The following EPC2 variants were observed in gnomAD, a reference collection of about 807,000 sequenced individuals.
The protein encoded by EPC2 is enhancer of polycomb homolog 2.
In EPC2, 14 loss-of-function variants were observed where a neutral mutation model predicts 92.1. The observed-to-expected ratio is 0.15, with a 90% CI of 0.10 to 0.24. The LOEUF (loss-of-function observed/expected upper bound fraction) is 0.24. Among genes scored for constraint, EPC2 ranks in the 10% least tolerant of loss-of-function variants. The pLI, the probability that EPC2 is intolerant of heterozygous loss-of-function variation, is 1.00. For synonymous variants in EPC2, 340 were observed against 334.7 expected (o/e 1.02, Z -0.17); for missense variants, 755 against 971.5 (o/e 0.78, Z 2.96).
intron 10 of EPC2, among the ~76,000 whole-genome samples, chr2:148,772,557 G>A (rs1227025891): frequency 6.6e-6 from 1 of 152,056 alleles, no homozygotes; most frequent in Non-Finnish European, 1.5e-5. Context: ...AACTTGACTC[G>A]TACAGTGATT....
chr2:148,658,813 A>C (rs1680871694), intron 1 of EPC2, among the ~76,000 whole-genome samples: 1 of 151,696 alleles, frequency 6.6e-6, no homozygotes, highest in South Asian at 2.1e-4. Flanking sequence ...AATGATATTA[A>C]ACTATATATG....
At chr2:148,744,290 A>G (rs1164276642) in intron 3 of EPC2, among the ~76,000 whole-genome samples, 1 of 152,146 alleles carries the variant, frequency 6.6e-6, no homozygotes. Flanking sequence ...AGTGTAAGTC[A>G]GGAGCCTAAA....
intron 2 of EPC2, among the ~76,000 whole-genome samples, chr2:148,742,730 A>G (rs1446417073): frequency 1.3e-5 from 2 of 151,884 alleles, no homozygotes; most frequent in African/African-American, 4.8e-5. Context: ...TGCAGTGAGC[A>G]AGATCGTGCC....
chr2:148,664,709 T>C (rs1681025046), intron 1 of EPC2, among the ~76,000 whole-genome samples: 1 of 152,214 alleles, frequency 6.6e-6, no homozygotes, highest in African/African-American at 2.4e-5. Flanking sequence ...TTGCATTCTC[T>C]AGAATTTTAT....
chr2:148,668,967 C>T (rs948252045), intron 1 of EPC2, among the ~76,000 whole-genome samples: 1 of 151,892 alleles, frequency 6.6e-6, no homozygotes, highest in Non-Finnish European at 1.5e-5. Flanking sequence ...ATGCTGAAAC[C>T]TTTTTCTATT....
intron 2 of EPC2, among the ~76,000 whole-genome samples, chr2:148,735,017 C>T (rs968646552): frequency 6.6e-6 from 1 of 151,690 alleles, no homozygotes; most frequent in Non-Finnish European, 1.5e-5. Flanking sequence ...AACATAGTTT[C>T]CGTTTCATAA....
At chr2:148,763,456 G>A (rs1399477485) in intron 6 of EPC2, among the ~76,000 whole-genome samples, 2 of 152,128 alleles carry the variant, frequency 1.3e-5, no homozygotes, top group African/African-American at 4.8e-5. Context: ...TAATTTTAAG[G>A]AGCATAGATT....
At chr2:148,749,691 A>G (rs891266016) in intron 3 of EPC2, among the ~76,000 whole-genome samples, 4 of 152,040 alleles carry the variant, frequency 2.6e-5, no homozygotes, top group Non-Finnish European at 4.4e-5. Context: ...GTTCTTTACT[A>G]TGATGTTAAA....
chr2:148,692,512 T>G (rs1001456183), intron 2 of EPC2: 1 of 152,334 alleles, frequency 6.6e-6, no homozygotes, highest in South Asian at 2.1e-4. Context: ...TTCCACAGAT[T>G]TCTTTTCTCT....
At chr2:148,738,419 A>C (rs1484717561) in intron 2 of EPC2, among the ~76,000 whole-genome samples, 2 of 152,248 alleles carry the variant, frequency 1.3e-5, no homozygotes, top group Admixed American at 1.3e-4. Context: ...ATGGGTTTAC[A>C]TAAAGAGTTC....
intron 1 of EPC2, among the ~76,000 whole-genome samples, chr2:148,674,421 A>G (rs982525629): frequency 2.0e-5 from 3 of 152,180 alleles, no homozygotes; most frequent in Non-Finnish European, 4.4e-5. Flanking sequence ...AGAATATTGG[A>G]TGCATTTTCC....
At chr2:148,690,807 CG>C (rs1558810708) in intron 2 of EPC2, among the ~76,000 whole-genome samples, 1 of 152,022 alleles carries the variant, frequency 6.6e-6, no homozygotes, top group African/African-American at 2.4e-5. Context: ...GGATTACAGG[CG>C]TGTGCCACCA....
At chr2:148,697,064 C>T (rs914515867) in intron 2 of EPC2, among the ~76,000 whole-genome samples, 6 of 152,134 alleles carry the variant, frequency 3.9e-5, no homozygotes, top group Admixed American at 3.3e-4. Context: ...CTCAAAGGAG[C>T]CTTCTGGACA....
chr2:148,653,681 A>G (rs368507143), intron 1 of EPC2, among the ~76,000 whole-genome samples: 1 of 148,358 alleles, frequency 6.7e-6, no homozygotes, highest in Non-Finnish European at 1.5e-5. Flanking sequence ...CTTAACTCCT[A>G]TCTTTGCTTC....
In EPC2 at chr2:148,690,353, A is replaced by G; in HGVS notation, c.293A>G (p.Lys98Arg). Residue 98 changes from lysine (K) to arginine (R), a missense_variant, in exon 2 of 14, where the codon AAA becomes AGA. Lys to Arg is a conservative substitution (Grantham distance 26). This residue lies in a region of EPC2 where 509 missense variants were observed against 607.7 expected (regional missense o/e 0.84). Transcript: ENST00000258484. ...TACAAAGGAGAGTTTAAACAGCCAAAACAGTTCATTCATATTCAGCGTAAG... is the reference window on the plus strand; with the variant it reads ...TACAAAGGAGAGTTTAAACAGCCAAGACAGTTCATTCATATTCAGCGTAAG... ...RLYKGEFKQP[K>R]QFIHIQPFNL... is the part of the protein sequence containing the mutation. The G allele has an allele frequency of 6.2e-7, 1 of 1,600,382 alleles. No individual in the cohort carries two copies. The highest frequency in any genetic ancestry group is 1.1e-5 in the South Asian group (1 of 87,698).
intron 2 of EPC2, among the ~76,000 whole-genome samples, chr2:148,710,931 T>A (rs1367488726): frequency 6.6e-6 from 1 of 152,158 alleles, no homozygotes; most frequent in East Asian, 1.9e-4. Context: ...TATGCACGCA[T>A]ACACACACAC....
intron 1 of EPC2, among the ~76,000 whole-genome samples, chr2:148,647,646 T>TA (rs1234630083): frequency 1.3e-5 from 1 of 75,884 alleles, no homozygotes; most frequent in African/African-American, 4.3e-5. Flanking sequence ...TTTTTTTTTT[T>TA]AATTTATTAC....
chr2:148,661,772 A>C (rs75577818), intron 1 of EPC2, among the ~76,000 whole-genome samples: 3 of 152,230 alleles, frequency 2.0e-5, no homozygotes, highest in Admixed American at 1.3e-4. Flanking sequence ...AATATTCTCA[A>C]ATTTTTTTTG....
chr2:148,680,374 A>G (rs760865495), intron 1 of EPC2, among the ~76,000 whole-genome samples: 3 of 152,196 alleles, frequency 2.0e-5, no homozygotes, highest in Non-Finnish European at 2.9e-5. Context: ...TTCTCATTCA[A>G]CAGTTCTCAA....
Sources: allele counts gnomAD v4.1 joint callset (sites outside exome capture counted in the v4.1 genomes callset), GRCh38; gene constraint gnomAD v4.1.1; regional missense constraint gnomAD v4.1.1; transcripts MANE v1.5; gene names NCBI Gene and HGNC (gene_info 2026-07-23, HGNC 2026-07-21).